The following ACTR3C variants were observed in gnomAD, a reference collection of about 807,000 sequenced individuals.
ACTR3C encodes the protein actin related protein 3C.
A neutral mutation model predicts 26.3 loss-of-function variants in ACTR3C; 18 were observed. That is an observed-to-expected ratio of 0.68 (90% CI 0.47 to 1.01). The LOEUF is 1.01. ACTR3C is among the 50% of genes least tolerant of loss of function. The pLI is 0.00. For synonymous variants in ACTR3C, 55 were observed against 94.5 expected (o/e 0.58, Z 2.42); for missense variants, 184 against 250.7 (o/e 0.73, Z 1.80).
At chr7:150,262,296 A>G (rs1256872398) in intron 6 of ACTR3C, among the ~76,000 whole-genome samples, 3 of 152,188 alleles carry the variant, frequency 2.0e-5, no homozygotes, top group African/African-American at 7.2e-5. Context: ...GAAACTATGC[A>G]AATCAAAGTA....
the ACTR3C span, among the ~76,000 whole-genome samples, chr7:150,115,701 T>C: frequency 1.3e-5 from 2 of 152,326 alleles, no homozygotes; most frequent in African/African-American, 4.8e-5. Context: ...ACACATCACA[T>C]GGGCAAATAG....
At chr7:150,162,749 G>A in the ACTR3C span, among the ~76,000 whole-genome samples, 530 of 152,182 alleles carry the variant, frequency 3.5e-3, 4 homozygotes, top group African/African-American at 0.012. Context: ...ACCTTTCCCT[G>A]ACAATAGGGA....
chr7:150,316,156 C>T (rs1403268966), intron 1 of ACTR3C, among the ~76,000 whole-genome samples: 1 of 152,198 alleles, frequency 6.6e-6, no homozygotes, highest in Non-Finnish European at 1.5e-5. Context: ...GAGATCACGC[C>T]ATTGCACTCC....
At chr7:150,310,506 T>C (rs1378755830) in intron 1 of ACTR3C, among the ~76,000 whole-genome samples, 1 of 152,096 alleles carries the variant, frequency 6.6e-6, no homozygotes, top group Non-Finnish European at 1.5e-5. Flanking sequence ...ATAAATCAAA[T>C]TGTCCTTCCC....
At chr7:150,039,213 TG>T in the ACTR3C span, among the ~76,000 whole-genome samples, 2 of 145,714 alleles carry the variant, frequency 1.4e-5, no homozygotes, top group Non-Finnish European at 1.5e-5. Context: ...ACCTCTGCGA[TG>T]GGGGTCCTAA....
chr7:150,037,093 G>C, the ACTR3C span, among the ~76,000 whole-genome samples: 1 of 113,348 alleles, frequency 8.8e-6, no homozygotes, highest in Non-Finnish European at 2.1e-5. Context: ...GTGCGATGGG[G>C]GTCCTAAGAG....
the ACTR3C span, among the ~76,000 whole-genome samples, chr7:150,036,010 C>T: frequency 8.1e-5 from 10 of 123,518 alleles, no homozygotes; most frequent in Admixed American, 3.0e-4. Context: ...GCCTCCGCCC[C>T]CAGCGATGGG....
the ACTR3C span, among the ~76,000 whole-genome samples, chr7:150,046,227 A>T: frequency 1.3e-5 from 2 of 151,520 alleles, no homozygotes; most frequent in East Asian, 3.9e-4. Context: ...GATCTCCATT[A>T]AAGTTTCCAC....
the ACTR3C span, among the ~76,000 whole-genome samples, chr7:150,081,941 C>T: frequency 6.6e-6 from 1 of 151,826 alleles, no homozygotes; most frequent in African/African-American, 2.4e-5. Flanking sequence ...ATGTGCTCAG[C>T]CTTGCTTTTA....
At chr7:150,005,571 A>C in the ACTR3C span, among the ~76,000 whole-genome samples, 2 of 152,000 alleles carry the variant, frequency 1.3e-5, no homozygotes, top group African/African-American at 4.8e-5. Context: ...GGGTCAGCAG[A>C]GGCAGTGACA....
At chr7:149,911,454 C>T in the ACTR3C span, among the ~76,000 whole-genome samples, 36 of 152,104 alleles carry the variant, frequency 2.4e-4, no homozygotes, top group Non-Finnish European at 4.7e-4. Flanking sequence ...GTGACTGGCA[C>T]ATGGCAAATA....
chr7:149,927,430 T>TTA, the ACTR3C span, among the ~76,000 whole-genome samples: 94 of 133,156 alleles, frequency 7.1e-4, 1 homozygote, highest in South Asian at 1.7e-3. Context: ...AATGACTATT[T>TTA]AAAAAAAAAA....
At chr7:149,994,776 GT>G in the ACTR3C span, among the ~76,000 whole-genome samples, 1 of 151,132 alleles carries the variant, frequency 6.6e-6, no homozygotes, top group Non-Finnish European at 1.5e-5. Context: ...GAAATCCAAT[GT>G]TTACTGAATG....
chr7:150,011,006 C>G, the ACTR3C span, among the ~76,000 whole-genome samples: 13 of 146,018 alleles, frequency 8.9e-5, no homozygotes, highest in Non-Finnish European at 1.9e-4. Flanking sequence ...ATACCCTGCT[C>G]GGCATGCTGT....
chr7:149,913,701 A>G, the ACTR3C span, among the ~76,000 whole-genome samples: 14 of 149,632 alleles, frequency 9.4e-5, no homozygotes, highest in African/African-American at 3.2e-4. Flanking sequence ...GCGGTCAACC[A>G]GCTTAGAACT....
At chr7:150,042,322 T>A in the ACTR3C span, among the ~76,000 whole-genome samples, 75 of 86,868 alleles carry the variant, frequency 8.6e-4, no homozygotes, top group South Asian at 1.5e-3. Flanking sequence ...AGGGACTGGC[T>A]CTCAGTCCCT....
intron 1 of ACTR3C, among the ~76,000 whole-genome samples, chr7:150,305,926 G>A (rs1795776328): frequency 1.3e-5 from 2 of 152,050 alleles, no homozygotes; most frequent in Non-Finnish European, 2.9e-5. Context: ...TCACTTTGAT[G>A]GCTTGGTCTT....
chr7:150,069,321 C>G, the ACTR3C span, among the ~76,000 whole-genome samples: 1 of 152,122 alleles, frequency 6.6e-6, no homozygotes, highest in Non-Finnish European at 1.5e-5. Flanking sequence ...GTTAAGAAAC[C>G]TTGCTTTAGA....
chr7:150,237,828 T>G, the ACTR3C span, among the ~76,000 whole-genome samples: 1 of 151,216 alleles, frequency 6.6e-6, no homozygotes, highest in African/African-American at 2.4e-5. Context: ...CAAGCATATT[T>G]CCTTCCACTG....
Sources: allele counts gnomAD v4.1 joint callset (sites outside exome capture counted in the v4.1 genomes callset), GRCh38; gene constraint gnomAD v4.1.1; transcripts MANE v1.5; gene names NCBI Gene and HGNC (gene_info 2026-07-23, HGNC 2026-07-21).